The following TFEC variants were observed in gnomAD, a reference collection of about 807,000 sequenced individuals.
The protein encoded by TFEC is class E basic helix-loop-helix protein 34.
In TFEC, 31 loss-of-function variants were observed where a neutral mutation model predicts 41.6. That is an observed-to-expected ratio of 0.74 (90% CI 0.56 to 1.01). The LOEUF is 1.01. Among genes scored for constraint, TFEC ranks in the 50% least tolerant of loss-of-function variants. TFEC has a pLI of 0.00. For missense variants in TFEC, 402 were observed against 404.1 expected (o/e 0.99, Z 0.04); for synonymous variants, 143 against 140.6 (o/e 1.02, Z -0.12).
At chr7:115,945,355 A>G (rs1210689971) in intron 6 of TFEC, among the ~76,000 whole-genome samples, 1 of 151,560 alleles carries the variant, frequency 6.6e-6, no homozygotes, top group African/African-American at 2.4e-5. Context: ...TGTCACGTAG[A>G]TGGGTACTCC....
chr7:116,059,030 A>G (rs923773425), intron 3 of TFEC, among the ~76,000 whole-genome samples: 64 of 151,820 alleles, frequency 4.2e-4, no homozygotes, highest in African/African-American at 1.3e-3. Context: ...AAAGAAAATA[A>G]GATCAGAAGG....
chr7:116,035,903 T>A (rs1795898132), intron 3 of TFEC, among the ~76,000 whole-genome samples: 1 of 152,000 alleles, frequency 6.6e-6, no homozygotes, highest in Non-Finnish European at 1.5e-5. Flanking sequence ...GATTTAAACA[T>A]AAAAATTTTT....
intron 3 of TFEC, among the ~76,000 whole-genome samples, chr7:116,091,116 A>C (rs1797317811): frequency 6.6e-6 from 1 of 152,178 alleles, no homozygotes; most frequent in Non-Finnish European, 1.5e-5. Flanking sequence ...AGTATAATAA[A>C]AAAAGGAAAA....
chr7:115,986,206 C>T (rs1793847539), intron 1 of TFEC, among the ~76,000 whole-genome samples: 1 of 152,092 alleles, frequency 6.6e-6, no homozygotes, highest in African/African-American at 2.4e-5. Flanking sequence ...ATAGCAACAA[C>T]AACAATGATA....
chr7:116,019,723 C>T (rs1315318235), intron 1 of TFEC, among the ~76,000 whole-genome samples: 1 of 152,098 alleles, frequency 6.6e-6, no homozygotes, highest in Admixed American at 6.6e-5. Context: ...AAATAAGACA[C>T]CCATACAGTA....
intron 3 of TFEC, among the ~76,000 whole-genome samples, chr7:116,089,852 A>G (rs912985723): frequency 6.6e-6 from 1 of 152,154 alleles, no homozygotes; most frequent in African/African-American, 2.4e-5. Flanking sequence ...GTTTTGAAAC[A>G]AAGAAGTCAA....
At chr7:116,131,216 TG>T (rs2116311874) in intron 1 of TFEC, among the ~76,000 whole-genome samples, 1 of 152,348 alleles carries the variant, frequency 6.6e-6, no homozygotes, top group South Asian at 2.1e-4. Flanking sequence ...TCACATCATC[TG>T]TAAACTGAGC....
In TFEC at chr7:115,936,023, TA is replaced by T. The variant is rs1417910227; in HGVS notation, c.*4527del. On this transcript the variant is annotated 3_prime_UTR_variant, in exon 8 of 8. Transcript: ENST00000265440. ...ATAGCTGTTTTCGGATAATCTCCTA[TA>T]CATTCAAATCTCTATGGACCTCAGA... 6.6e-6 allele frequency: 1 copy of T among 151,636 alleles called. No homozygotes were observed. The highest frequency in any genetic ancestry group is 1.9e-4 in the East Asian group (1 of 5,188). 9.4% of individuals were successfully genotyped at this position (151,636 alleles called of 1,614,324 possible).
chr7:116,097,279 G>A (rs778967748), intron 3 of TFEC, among the ~76,000 whole-genome samples: 16 of 152,056 alleles, frequency 1.1e-4, no homozygotes, highest in Non-Finnish European at 1.8e-4. Flanking sequence ...TATGTTCTAA[G>A]ACCCCCAGTA....
chr7:116,051,953 C>G (rs1268407759), intron 3 of TFEC, among the ~76,000 whole-genome samples: 1 of 151,924 alleles, frequency 6.6e-6, no homozygotes, highest in Non-Finnish European at 1.5e-5. Flanking sequence ...GAAACTAGAA[C>G]TCAAGTCCTT....
intron 1 of TFEC, among the ~76,000 whole-genome samples, chr7:116,143,365 A>G (rs574548604): frequency 6.6e-6 from 1 of 152,132 alleles, no homozygotes; most frequent in Non-Finnish European, 1.5e-5. Flanking sequence ...AGAAGACCAG[A>G]CTCCCCTAAT....
chr7:116,019,950 A>G (rs73218450), intron 1 of TFEC, among the ~76,000 whole-genome samples: 1,782 of 152,288 alleles, frequency 0.012, 8 homozygotes, highest in Admixed American at 0.018. Flanking sequence ...GAACTCTTCA[A>G]TTTTAAAAAT....
chr7:116,025,251 T>C (rs2130869548), intron 1 of TFEC, among the ~76,000 whole-genome samples: 1 of 152,260 alleles, frequency 6.6e-6, no homozygotes, highest in African/African-American at 2.4e-5. Context: ...TGAGGCTGTT[T>C]GAATAGGAGA....
chr7:116,089,048 T>G (rs1326229352), intron 3 of TFEC, among the ~76,000 whole-genome samples: 3 of 152,128 alleles, frequency 2.0e-5, no homozygotes, highest in Admixed American at 6.6e-5. Flanking sequence ...ATCAATTCAC[T>G]ACAGTCCATT....
chr7:116,014,228 T>C (rs1462955736), intron 1 of TFEC, among the ~76,000 whole-genome samples: 1 of 152,160 alleles, frequency 6.6e-6, no homozygotes, highest in Admixed American at 6.6e-5. Context: ...TTATCCTGCA[T>C]AAATATCATG....
intron 6 of TFEC, among the ~76,000 whole-genome samples, chr7:115,942,905 T>C (rs1238148386): frequency 6.6e-6 from 1 of 152,048 alleles, no homozygotes; most frequent in Non-Finnish European, 1.5e-5. Flanking sequence ...TTGCTAAATG[T>C]TAATCAGAGT....
intron 2 of TFEC, among the ~76,000 whole-genome samples, chr7:115,975,047 G>T (rs573389014): frequency 4.3e-4 from 65 of 152,174 alleles, no homozygotes; most frequent in Admixed American, 9.8e-4. Context: ...ATTATATAGT[G>T]AGTGAGTGGT....
chr7:116,080,976 A>AGTGTATGTGTGT (rs1424213374), intron 3 of TFEC, among the ~76,000 whole-genome samples: 4 of 137,946 alleles, frequency 2.9e-5, no homozygotes, highest in African/African-American at 8.1e-5. Flanking sequence ...AAGAAAATGT[A>AGTGTATGTGTGT]GTGTGTGTGT....
At chr7:116,059,746 C>T (rs987305461) in intron 3 of TFEC, among the ~76,000 whole-genome samples, 20 of 151,894 alleles carry the variant, frequency 1.3e-4, no homozygotes, top group African/African-American at 4.1e-4. Flanking sequence ...ATATGATCAG[C>T]TCAGTAGACA....
Sources: allele counts gnomAD v4.1 joint callset (sites outside exome capture counted in the v4.1 genomes callset), GRCh38; gene constraint gnomAD v4.1.1; transcripts MANE v1.5; gene names NCBI Gene and HGNC (gene_info 2026-07-23, HGNC 2026-07-21).